Variants in NPAS3 observed in about 807,000 individuals in gnomAD.
NPAS3 encodes neuronal PAS domain-containing protein 3.
Under a neutral mutation model 73.1 loss-of-function variants are expected in NPAS3, and 14 were observed. The observed-to-expected ratio is 0.19, with a 90% CI of 0.13 to 0.30. The LOEUF is 0.30. Among genes scored for constraint, NPAS3 ranks in the 10% least tolerant of loss-of-function variants. The probability of loss-of-function intolerance (pLI) is 1.00; values close to 1 mark genes in which losing one functional copy is unlikely to be tolerated. For missense variants in NPAS3, 1,096 were observed against 1,250.0 expected, an observed-to-expected ratio of 0.88 and a Z score of 1.86; for synonymous variants, 620 against 541.5, an observed-to-expected ratio of 1.14 and a Z score of -2.01.
intron 2 of NPAS3, among the ~76,000 whole-genome samples, chr14:33,145,892 A>G (rs2044221499): frequency 6.6e-6 from 1 of 152,088 alleles, no homozygotes. Flanking sequence ...TTTTTTAATT[A>G]TTTTCAAAGA....
intron 7 of NPAS3, among the ~76,000 whole-genome samples, chr14:33,748,960 G>A (rs966132180): frequency 3.3e-5 from 5 of 152,150 alleles, no homozygotes; most frequent in African/African-American, 1.2e-4. Flanking sequence ...GTCAAGGCTA[G>A]TTTGAGAATC....
intron 2 of NPAS3, among the ~76,000 whole-genome samples, chr14:33,064,422 G>T (rs2041212078): frequency 6.6e-6 from 1 of 152,066 alleles, no homozygotes; most frequent in South Asian, 2.1e-4. Flanking sequence ...TTTTTCTGTT[G>T]ATTTAGGGAA....
intron 1 of NPAS3, among the ~76,000 whole-genome samples, chr14:32,998,884 G>A (rs913368122): frequency 9.2e-5 from 14 of 152,012 alleles, no homozygotes; most frequent in South Asian, 4.2e-4. Flanking sequence ...GCCTCCTCCC[G>A]TTGCTCACCC....
At chr14:32,998,276 A>C (rs2783754) in intron 1 of NPAS3, among the ~76,000 whole-genome samples, 4 of 152,248 alleles carry the variant, frequency 2.6e-5, no homozygotes, top group Non-Finnish European at 4.4e-5. Context: ...GCCAGAAACA[A>C]AAGGTCACAT....
At chr14:33,217,699 T>G (rs2047276083) in intron 3 of NPAS3, among the ~76,000 whole-genome samples, 1 of 152,214 alleles carries the variant, frequency 6.6e-6, no homozygotes, top group South Asian at 2.1e-4. Context: ...TCCATTTGTC[T>G]GTGATGTAGT....
chr14:33,778,633 T>G, intron 9 of NPAS3, 61 bp downstream of exon 9: 4 of 1,095,438 alleles, frequency 3.7e-6, no homozygotes, highest in Non-Finnish European at 4.2e-6. Context: ...TGAGGCTTGT[T>G]TGGTTTCAGT....
intron 4 of NPAS3, among the ~76,000 whole-genome samples, chr14:33,529,231 C>T (rs1346562883): frequency 6.6e-6 from 1 of 152,078 alleles, no homozygotes; most frequent in Non-Finnish European, 1.5e-5. Context: ...CTCAAGGTAG[C>T]TTAGTTTACT....
At chr14:33,277,561 A>T (rs9635191) in intron 3 of NPAS3, among the ~76,000 whole-genome samples, 1 of 152,074 alleles carries the variant, frequency 6.6e-6, no homozygotes, top group African/African-American at 2.4e-5. Context: ...ACAATAGGGG[A>T]TGACATTTTT....
chr14:33,665,618 T>C (rs1304708857), intron 5 of NPAS3, among the ~76,000 whole-genome samples: 5 of 152,152 alleles, frequency 3.3e-5, no homozygotes, highest in Non-Finnish European at 5.9e-5. Flanking sequence ...AAACATCTCA[T>C]GTACCCCATG....
At chr14:33,758,561 A>G (rs2062187016) in intron 7 of NPAS3, among the ~76,000 whole-genome samples, 1 of 152,250 alleles carries the variant, frequency 6.6e-6, no homozygotes, top group African/African-American at 2.4e-5. Flanking sequence ...TTAGGGAAGA[A>G]GGCTATGAGC....
chr14:33,640,202 A>T (rs543091800), intron 5 of NPAS3, among the ~76,000 whole-genome samples: 3 of 152,298 alleles, frequency 2.0e-5, no homozygotes, highest in Non-Finnish European at 2.9e-5. Context: ...TGAAAAAAAA[A>T]AAAATTATCT....
intron 4 of NPAS3, among the ~76,000 whole-genome samples, chr14:33,386,070 A>T (rs975387073): frequency 1.3e-5 from 2 of 148,318 alleles, no homozygotes; most frequent in Admixed American, 1.3e-4. Flanking sequence ...GTAATTGAGA[A>T]TTTTTTTTTT....
chr14:33,233,260 ATTAACT>A (rs1321573165), intron 3 of NPAS3, among the ~76,000 whole-genome samples: 1 of 152,140 alleles, frequency 6.6e-6, no homozygotes, highest in Admixed American at 6.6e-5. Context: ...AATGCTATAA[ATTAACT>A]TTATTTACTG....
chr14:33,166,182 A>T (rs974262167), intron 2 of NPAS3, among the ~76,000 whole-genome samples: 4 of 152,108 alleles, frequency 2.6e-5, no homozygotes, highest in African/African-American at 9.7e-5. Flanking sequence ...TGCTGCTGTC[A>T]TCTTCTTGAA....
downstream of NPAS3, chr14:33,803,997 T>A (rs1411871212): frequency 6.6e-6 from 1 of 152,238 alleles, no homozygotes; most frequent in Non-Finnish European, 1.5e-5. Flanking sequence ...GAAACATTTT[T>A]TTTCATTGAC....
intron 5 of NPAS3, among the ~76,000 whole-genome samples, chr14:33,672,171 C>T (rs1199388893): frequency 6.6e-6 from 1 of 152,160 alleles, no homozygotes; most frequent in Non-Finnish European, 1.5e-5. Context: ...AGACACTATT[C>T]TCTTAAAGAG....
intron 3 of NPAS3, among the ~76,000 whole-genome samples, chr14:33,337,664 A>G (rs372547093): frequency 7.9e-5 from 12 of 152,048 alleles, no homozygotes; most frequent in African/African-American, 2.9e-4. Context: ...GAATCTATAG[A>G]TCAGTTTGAG....
chr14:33,424,505 C>G (rs1229000362), intron 4 of NPAS3, among the ~76,000 whole-genome samples: 2 of 151,718 alleles, frequency 1.3e-5, no homozygotes, highest in African/African-American at 2.4e-5. Context: ...GTGGAGGCTA[C>G]CATTATCTAG....
intron 5 of NPAS3, among the ~76,000 whole-genome samples, chr14:33,640,372 G>A (rs990831087): frequency 6.6e-6 from 1 of 152,058 alleles, no homozygotes; most frequent in Non-Finnish European, 1.5e-5. Context: ...AGATCTACCT[G>A]AAGTCTATGC....
Sources: gnomAD v4.1 joint callset for allele counts (sites outside exome capture counted in the v4.1 genomes callset) on GRCh38, gnomAD v4.1.1 for gene constraint, MANE v1.5 for transcripts, NCBI Gene and HGNC (gene_info 2026-07-23, HGNC 2026-07-21) for gene names.